MS4A13: variants seen among roughly 807,000 people sequenced by gnomAD.
MS4A13 encodes membrane spanning 4-domains A13.
MS4A13 carries 21 observed loss-of-function variants against 18.4 expected under a neutral mutation model. The ratio of observed to expected loss-of-function variants is 1.14; its 90% CI spans 0.81 to 1.64. The LOEUF (loss-of-function observed/expected upper bound fraction) is 1.64. Among genes scored for constraint, MS4A13 ranks in the 40% most tolerant of loss-of-function variants. The pLI, the probability that MS4A13 is intolerant of heterozygous loss-of-function variation, is 0.00. For synonymous variants in MS4A13, 62 were observed against 57.2 expected, an observed-to-expected ratio of 1.08 and a Z score of -0.38; for missense variants, 173 against 176.8, an observed-to-expected ratio of 0.98 and a Z score of 0.12.
rs79855830 is a variant in MS4A13, at chr11:60,517,961, T to C, written c.-12-111T>C. The C allele has an allele frequency of 8.7e-3, 6,895 of 793,974 alleles. 57 individuals carry two copies. Among genetic ancestry groups the C allele is most frequent in the Middle Eastern group, 0.03 (88 of 2,914 alleles). The allele number at this position is 793,974 out of a possible 1,614,324, so 49.2% of individuals were successfully genotyped here. A position where few individuals can be genotyped will look rare whatever the true frequency, so the allele number is the denominator to read the frequency against. On this transcript the variant is annotated intron_variant, in intron 2 of 6. Transcript: ENST00000378186. ...GGAAATACATCATTAAGTGCATTGC[T>C]GTTTTACTTTTGTATTTGTAAAGGT...
rs986683615 is a variant in MS4A13, at chr11:60,525,473, C to A, written c.306+147C>A. On this transcript the variant is annotated intron_variant, in intron 5 of 6. Transcript: ENST00000378186. ...GAGCTCTTGATTGAAAATTTTAAAT[C>A]AAAAATAATTCTAGGCTGTGAGTTT... is the stretch of plus-strand genomic sequence containing the variant. The A allele has an allele frequency of 7.9e-6, 4 of 503,824 alleles. No individual in the cohort carries two copies. In the South Asian group the frequency reaches 8.5e-5, roughly 11 times the overall value. 31.2% of individuals were successfully genotyped at this position (503,824 alleles called of 1,614,324 possible).
At chr11:60,521,559 C>G (rs1775477736) in intron 3 of MS4A13, among the ~76,000 whole-genome samples, 1 of 152,182 alleles carries the variant, frequency 6.6e-6, no homozygotes, top group African/African-American at 2.4e-5. Context: ...TAACAAGAGT[C>G]ACCTTGCTCT....
At chr11:60,543,111 TA>T (rs1040367893), downstream of MS4A13, among the ~76,000 whole-genome samples, 2 of 152,174 alleles carry the variant, frequency 1.3e-5, no homozygotes, top group Non-Finnish European at 2.9e-5. Flanking sequence ...ACATATCTGC[TA>T]TCTTTCTTAT....
At chr11:60,525,167 A>T (rs747991574) in intron 4 of MS4A13, 40 bp from the exon 5 acceptor site, 4 of 1,464,344 alleles carry the variant, frequency 2.7e-6, no homozygotes, top group Non-Finnish European at 3.8e-6. Context: ...CAAAATGTTT[A>T]TTCTGAATAT....
At chr11:60,522,031 A>C (rs1158172147) in intron 3 of MS4A13, among the ~76,000 whole-genome samples, 2 of 152,052 alleles carry the variant, frequency 1.3e-5, no homozygotes, top group African/African-American at 4.8e-5. Context: ...TAAAACCATC[A>C]GATCTCATAG....
rs535747434 is a variant in MS4A13 at position 60,518,419 on chromosome 11, T to C, written c.129+207T>C. ...TTTACAAGTGCTGTTTCAAGAGATA[T>C]GGATACAGGAGTACACAATGACAAC... On this transcript the variant is annotated intron_variant, in intron 3 of 6. Transcript: ENST00000378186. Among the ~76,000 whole-genome samples the C allele has an allele frequency of 4.6e-5, 7 of 152,314 alleles. No individual in the cohort carries two copies. The South Asian group carries it at 1.5e-3, about 32-fold the overall frequency.
chr11:60,541,412 T>C (rs2086857685), intron 6 of MS4A13, among the ~76,000 whole-genome samples: 1 of 152,188 alleles, frequency 6.6e-6, no homozygotes, highest in Non-Finnish European at 1.5e-5. Context: ...TATTACTTCA[T>C]TCAAATTTGA....
intron 6 of MS4A13, among the ~76,000 whole-genome samples, chr11:60,542,250 AAGAG>A (rs1361328665): frequency 2.0e-5 from 3 of 146,830 alleles, no homozygotes; most frequent in Middle Eastern, 3.5e-3. Flanking sequence ...GAGAAAGAAA[AAGAG>A]AAAGAAAGAA....
At chr11:60,522,201 T>C (rs1013178960) in intron 3 of MS4A13, among the ~76,000 whole-genome samples, 3 of 33,062 alleles carry the variant, frequency 9.1e-5, no homozygotes, top group East Asian at 1.4e-3. Flanking sequence ...ATCAGACAGA[T>C]AGATAGATAG....
intron 3 of MS4A13, among the ~76,000 whole-genome samples, chr11:60,519,219 C>T (rs2135247736): frequency 6.6e-6 from 1 of 152,228 alleles, no homozygotes. Flanking sequence ...TGGATTTTCA[C>T]CGCTGGAGAT....
intron 5 of MS4A13, 96 bp downstream of exon 5, chr11:60,525,422 C>T (rs1208895345): frequency 1.3e-6 from 1 of 780,408 alleles, no homozygotes; most frequent in African/African-American, 1.9e-5. Flanking sequence ...TTTATTCGTC[C>T]TCATGAAATT....
chr11:60,532,854 G>A (rs1283041799), intron 6 of MS4A13, among the ~76,000 whole-genome samples: 1 of 75,928 alleles, frequency 1.3e-5, no homozygotes, highest in Non-Finnish European at 2.7e-5. Flanking sequence ...CCTCAAGTGG[G>A]TCCCTGACCC....
intron 6 of MS4A13, among the ~76,000 whole-genome samples, chr11:60,531,413 G>T (rs1210768771): frequency 6.6e-6 from 1 of 152,164 alleles, no homozygotes; most frequent in African/African-American, 2.4e-5. Context: ...TATGTGCAAA[G>T]CTATACACAT....
chr11:60,529,316 C>G, intron 5 of MS4A13, 49 bp from the exon 6 acceptor site: 1 of 739,980 alleles, frequency 1.4e-6, no homozygotes, highest in Non-Finnish European at 2.1e-6. Context: ...CATGTTTGCA[C>G]TCACTAAAGA....
rs1394814391 is a variant in MS4A13 at position 60,542,683 on chromosome 11, A to G, written c.*108A>G. 6 of 609,464 alleles carry G rather than the reference A, an allele frequency of 9.8e-6. No individual in the cohort carries two copies. The African/African-American group carries it at 1.1e-4, about 11-fold the overall frequency. 37.8% of individuals were successfully genotyped at this position (609,464 alleles called of 1,614,324 possible). A position where few individuals can be genotyped will look rare whatever the true frequency, so the allele number is the denominator to read the frequency against. ...GAAGCCTACAGATTTTGTGCAAAAT[A>G]AAATACAAACAAGGTGAATTTTTCT... is the stretch of plus-strand genomic sequence containing the variant. On this transcript the variant is annotated 3_prime_UTR_variant, in exon 7 of 7. Transcript: ENST00000378186.
intron 4 of MS4A13, 43 bp from the exon 5 acceptor site, chr11:60,525,164 T>C: frequency 6.9e-7 from 1 of 1,453,610 alleles, no homozygotes; most frequent in South Asian, 1.2e-5. Context: ...CACCAAAATG[T>C]TTATTCTGAA....
At chr11:60,529,238 T>C in intron 5 of MS4A13, 127 bp from the exon 6 acceptor site, 1 of 492,568 alleles carries the variant, frequency 2.0e-6, no homozygotes, top group Non-Finnish European at 3.5e-6. Flanking sequence ...AAGGTTTATC[T>C]GTTCTTATTT....
intron 3 of MS4A13, among the ~76,000 whole-genome samples, chr11:60,520,524 C>A (rs1245413152): frequency 1.3e-5 from 2 of 152,256 alleles, no homozygotes; most frequent in Middle Eastern, 3.4e-3. Context: ...GGCTACAGGC[C>A]CCATGCAAGT....
chr11:60,529,313 G>C (rs947101932), intron 5 of MS4A13, 52 bp from the exon 6 acceptor site: 8 of 506,488 alleles, frequency 1.6e-5, no homozygotes, highest in Admixed American at 3.1e-5. Context: ...GATCATGTTT[G>C]CACTCACTAA....
Sources: allele counts gnomAD v4.1 joint callset (sites outside exome capture counted in the v4.1 genomes callset), GRCh38; gene constraint gnomAD v4.1.1; transcripts MANE v1.5; gene names NCBI Gene and HGNC (gene_info 2026-07-23, HGNC 2026-07-21).